The following SBF2 variants were observed in gnomAD, a reference collection of about 807,000 sequenced individuals.
SBF2 encodes the protein myotubularin-related protein 13.
SBF2 carries 112 observed loss-of-function variants against 225.2 expected under a neutral mutation model. That is an observed-to-expected ratio of 0.50 (90% CI 0.43 to 0.58). The LOEUF is 0.58. Among genes scored for constraint, SBF2 ranks in the 20% least tolerant of loss-of-function variants. SBF2 has a pLI of 0.00. For missense variants in SBF2, 1,996 were observed against 2,206.2 expected (o/e 0.90, Z 1.91); for synonymous variants, 763 against 773.3 (o/e 0.99, Z 0.22).
intron 16 of SBF2, among the ~76,000 whole-genome samples, chr11:9,932,927 T>C (rs191619881): frequency 2.0e-4 from 22 of 112,074 alleles, no homozygotes; most frequent in Non-Finnish European, 3.1e-4. Flanking sequence ...AATAAAGGGA[T>C]GGAGGGAGAT....
intron 16 of SBF2, among the ~76,000 whole-genome samples, chr11:9,936,722 T>C (rs1864925085): frequency 6.6e-6 from 1 of 152,178 alleles, no homozygotes; most frequent in Non-Finnish European, 1.5e-5. Context: ...AAACACTGCA[T>C]GTTCTCACTC....
chr11:10,135,986 C>A (rs1258692286), intron 2 of SBF2, among the ~76,000 whole-genome samples: 1 of 152,092 alleles, frequency 6.6e-6, no homozygotes, highest in African/African-American at 2.4e-5. Flanking sequence ...ATACCTGATA[C>A]TGGGCGATTT....
intron 16 of SBF2, among the ~76,000 whole-genome samples, chr11:9,914,486 A>C (rs991577226): frequency 6.6e-6 from 1 of 152,202 alleles, no homozygotes; most frequent in African/African-American, 2.4e-5. Flanking sequence ...TGGACATCCA[A>C]ATGCAAAAGC....
intron 1 of SBF2, among the ~76,000 whole-genome samples, chr11:10,197,217 A>G (rs1957408384): frequency 6.6e-6 from 1 of 152,140 alleles, no homozygotes; most frequent in South Asian, 2.1e-4. Context: ...CACTACTCTA[A>G]GAGGCACTTT....
intron 1 of SBF2, among the ~76,000 whole-genome samples, chr11:10,212,853 C>T (rs958063405): frequency 2.0e-5 from 3 of 152,134 alleles, no homozygotes; most frequent in African/African-American, 4.8e-5. Flanking sequence ...AGATCAAGAC[C>T]ATCCTGGCTA....
intron 1 of SBF2, among the ~76,000 whole-genome samples, chr11:10,196,859 TATATA>T (rs774970149): frequency 0.36 from 19,779 of 54,682 alleles, 2,864 homozygotes; most frequent in Non-Finnish European, 0.47. Context: ...TATATATATA[TATATA>T]TATTTTTTTT....
intron 1 of SBF2, among the ~76,000 whole-genome samples, chr11:10,209,730 T>A (rs1030598002): frequency 6.6e-6 from 1 of 152,140 alleles, no homozygotes; most frequent in African/African-American, 2.4e-5. Context: ...TGGCACGTTA[T>A]CCATCTAAGC....
At chr11:9,930,711 C>A (rs538416865) in intron 16 of SBF2, among the ~76,000 whole-genome samples, 57 of 152,326 alleles carry the variant, frequency 3.7e-4, no homozygotes, top group Middle Eastern at 3.4e-3. Context: ...TTCTGCATTT[C>A]CAAGTGAGGT....
At position 9,793,953 on chromosome 11, in the gene SBF2, A is replaced by C. The variant is rs76922694; in HGVS notation, c.4570+1878T>G. 6.1e-3 allele frequency among the ~76,000 whole-genome samples: 926 copies of C among 152,336 alleles called. 10 individuals are homozygous for C. The highest frequency in any genetic ancestry group is 0.021 in the African/African-American group (882 of 41,572). On this transcript the variant is annotated intron_variant, in intron 33 of 39. Transcript: ENST00000256190. The stretch of plus-strand genomic sequence containing the variant: ...AATTTGCTGATCAGCTTAATTCAGC[A>C]AAACAAACTGCTTTATTAAAAAACC...
At chr11:9,796,157 G>GTT (rs11416768) in intron 32 of SBF2, among the ~76,000 whole-genome samples, 200 bp from the exon 33 acceptor site, 11 of 145,428 alleles carry the variant, frequency 7.6e-5, no homozygotes, top group African/African-American at 2.5e-4. Flanking sequence ...CCAGACGAGG[G>GTT]TTTTTTTTTT....
intron 2 of SBF2, among the ~76,000 whole-genome samples, chr11:10,137,191 T>C (rs1258961187): frequency 6.6e-6 from 1 of 152,208 alleles, no homozygotes; most frequent in Non-Finnish European, 1.5e-5. Context: ...TTAAAATTTT[T>C]CCACATCTTC....
chr11:9,780,520 C>CA lies in SBF2; in HGVS notation c.5452-5dup. ...ACACACGTTTGCTGGTCTTGAGCTACAAAACCAAATGACAGTGAACCAGAG... is the reference window on the plus strand; with the variant it reads ...ACACACGTTTGCTGGTCTTGAGCTACAAAAACCAAATGACAGTGAACCAGAG... On this transcript the variant is annotated splice_region_variant and splice_polypyrimidine_tract_variant and intron_variant, in intron 39 of 39. Coordinates refer to ENST00000256190, the MANE Select transcript of SBF2 (RefSeq NM_030962.4). 6.2e-7 allele frequency: 1 copy of CA among 1,613,812 alleles called. No homozygotes were observed. The highest frequency in any genetic ancestry group is 8.5e-7 in the Non-Finnish European group (1 of 1,179,744).
At chr11:9,791,828 T>C (rs566934663) in intron 33 of SBF2, among the ~76,000 whole-genome samples, 56 of 152,318 alleles carry the variant, frequency 3.7e-4, no homozygotes, top group Admixed American at 1.8e-3. Flanking sequence ...CTAGGCACCT[T>C]TGTAGACAGA....
intron 2 of SBF2, among the ~76,000 whole-genome samples, chr11:10,184,223 T>C (rs566516926): frequency 3.9e-5 from 6 of 152,108 alleles, no homozygotes; most frequent in Non-Finnish European, 8.8e-5. Flanking sequence ...GATATATATG[T>C]GAGTTTGCTT....
chr11:9,870,996 C>T (rs563572650), intron 17 of SBF2, among the ~76,000 whole-genome samples: 12 of 146,664 alleles, frequency 8.2e-5, no homozygotes, highest in Non-Finnish European at 1.3e-4. Context: ...AAAAGTAACT[C>T]AAGATGGATT....
At chr11:10,273,550 T>C (rs948018490) in intron 1 of SBF2, among the ~76,000 whole-genome samples, 4 of 152,258 alleles carry the variant, frequency 2.6e-5, no homozygotes, top group Non-Finnish European at 5.9e-5. Flanking sequence ...ATGAATGTTA[T>C]GACCATGTTT....
intron 13 of SBF2, among the ~76,000 whole-genome samples, chr11:9,980,589 AT>A (rs547262918): frequency 3.0e-3 from 435 of 145,010 alleles, no homozygotes; most frequent in Middle Eastern, 3.5e-3. Flanking sequence ...GAACTTAAGA[AT>A]TTTTTTTTTT....
chr11:10,158,474 C>G (rs908833185), intron 2 of SBF2, among the ~76,000 whole-genome samples: 1 of 151,956 alleles, frequency 6.6e-6, no homozygotes, highest in Non-Finnish European at 1.5e-5. Context: ...TAAATAAAAT[C>G]AGAAATAAAA....
intron 12 of SBF2, among the ~76,000 whole-genome samples, chr11:9,991,327 TAA>T (rs1156884597): frequency 2.6e-5 from 4 of 152,208 alleles, no homozygotes; most frequent in Non-Finnish European, 5.9e-5. Flanking sequence ...TACACAGAAC[TAA>T]AATATGTGCC....
Sources: allele counts gnomAD v4.1 joint callset (sites outside exome capture counted in the v4.1 genomes callset), GRCh38; gene constraint gnomAD v4.1.1; transcripts MANE v1.5; gene names NCBI Gene and HGNC (gene_info 2026-07-23, HGNC 2026-07-21).